LAMA1: variants seen among roughly 807,000 people sequenced by gnomAD.
LAMA1 encodes laminin subunit alpha 1, also known as laminin subunit alpha-1.
In LAMA1, 219 loss-of-function variants were observed where a neutral mutation model predicts 348.7. That is an observed-to-expected ratio of 0.63 (90% CI 0.56 to 0.70). The LOEUF (loss-of-function observed/expected upper bound fraction) is 0.70, where lower values mean the gene tolerates loss of function less well. LAMA1 is among the 30% of genes least tolerant of loss of function. The pLI, the probability that LAMA1 is intolerant of heterozygous loss-of-function variation, is 0.00. For synonymous variants in LAMA1, 1,487 were observed against 1,491.0 expected (o/e 1.00, Z 0.06); for missense variants, 3,744 against 3,888.0 (o/e 0.96, Z 0.99).
At chr18:7,062,598 A>G (rs536709247) in intron 3 of LAMA1, among the ~76,000 whole-genome samples, 1 of 152,282 alleles carries the variant, frequency 6.6e-6, no homozygotes, top group South Asian at 2.1e-4. Context: ...CTTTGTAAAC[A>G]CCAAGAGACC....
At chr18:7,096,375 C>T (rs1488678016) in intron 1 of LAMA1, among the ~76,000 whole-genome samples, 1 of 152,154 alleles carries the variant, frequency 6.6e-6, no homozygotes, top group Non-Finnish European at 1.5e-5. Flanking sequence ...GTCAAGGTCT[C>T]CATATCAATT....
At chr18:6,985,979 C>T (rs1217343330) in intron 37 of LAMA1, among the ~76,000 whole-genome samples, 158 bp downstream of exon 37, 3 of 152,126 alleles carry the variant, frequency 2.0e-5, no homozygotes, top group African/African-American at 4.8e-5. Flanking sequence ...AGGATGGTCT[C>T]GATCTCTTGA....
At chr18:7,096,826 C>G (rs755281853) in intron 1 of LAMA1, among the ~76,000 whole-genome samples, 4 of 152,208 alleles carry the variant, frequency 2.6e-5, no homozygotes, top group Non-Finnish European at 5.9e-5. Flanking sequence ...TGAAAATCAT[C>G]TTAAGACAAA....
chr18:7,030,302 G>A (rs1288378625), intron 16 of LAMA1, among the ~76,000 whole-genome samples: 1 of 152,150 alleles, frequency 6.6e-6, no homozygotes, highest in Non-Finnish European at 1.5e-5. Flanking sequence ...CCTGGCTGGG[G>A]GACATTCCAC....
chr18:7,044,914 C>CCTAT, intron 6 of LAMA1, 75 bp from the exon 7 acceptor site: 1 of 1,103,904 alleles, frequency 9.1e-7, no homozygotes, highest in Non-Finnish European at 1.4e-6. Flanking sequence ...GTAAAAAGAA[C>CCTAT]CTATCTGTCA....
chr18:7,043,509 A>C (rs771042472), intron 7 of LAMA1, 104 bp from the exon 8 acceptor site: 10 of 913,974 alleles, frequency 1.1e-5, no homozygotes, highest in Non-Finnish European at 1.7e-5. Flanking sequence ...GATTAAATTA[A>C]AATCCTAGAA....
At chr18:6,990,541 G>C (rs146880842) in intron 36 of LAMA1, among the ~76,000 whole-genome samples, 14 of 152,306 alleles carry the variant, frequency 9.2e-5, no homozygotes, top group African/African-American at 3.1e-4. Context: ...CCCGAGAAGA[G>C]CACAGCTGAA....
At chr18:6,965,522 A>T in intron 49 of LAMA1, 90 bp from the exon 50 acceptor site, 1 of 1,461,206 alleles carries the variant, frequency 6.8e-7, no homozygotes, top group Non-Finnish European at 9.5e-7. Context: ...AACCTTCTAA[A>T]GTCAAACTGA....
At chr18:7,105,477 T>C (rs571789025) in intron 1 of LAMA1, among the ~76,000 whole-genome samples, 5,855 of 139,926 alleles carry the variant, frequency 0.042, 157 homozygotes, top group Non-Finnish European at 0.055. Context: ...AATAAATAAA[T>C]AAACAAACAA....
chr18:6,959,277 C>G, intron 54 of LAMA1, 64 bp downstream of exon 54: 1 of 1,610,436 alleles, frequency 6.2e-7, no homozygotes, highest in Non-Finnish European at 8.5e-7. Context: ...CCGCAAGGTT[C>G]CTCCCACATT....
chr18:7,032,996 C>G lies in LAMA1; in HGVS notation c.2151G>C (p.Gly717=). The G allele has an allele frequency of 6.2e-7, 1 of 1,607,836 alleles. No individual in the cohort carries two copies. Among genetic ancestry groups the G allele is most frequent in the Non-Finnish European group, 8.5e-7 (1 of 1,176,362 alleles). Reference sequence around the variant, plus strand: ...AGAGAAGCGTCACCTCACAGGAGGTCCCTGTGTAGCCTTGCGGACATTCAC... The same window carrying G: ...AGAGAAGCGTCACCTCACAGGAGGTGCCTGTGTAGCCTTGCGGACATTCAC... ...EHCECPQGYT[G]TSCESCLSGY... Residue 717 remains glycine (G), a synonymous_variant, in exon 15 of 63, where the codon GGG becomes GGC. Transcript: ENST00000389658.
intron 1 of LAMA1, among the ~76,000 whole-genome samples, chr18:7,100,650 C>T (rs1030740914): frequency 4.6e-5 from 7 of 152,124 alleles, no homozygotes; most frequent in Non-Finnish European, 8.8e-5. Flanking sequence ...TAAAGTAGAA[C>T]ATTATTGACA....
Position 6,947,386 on chromosome 18 carries a change from G to C in LAMA1, c.8711-90C>G, listed in dbSNP as rs1403161953. ...CTCCTGGCTAGGGGTTGGGGGACCTGGCTCTAGCTCCTCCTTTGGATCCAG... is the reference window on the plus strand; with the variant it reads ...CTCCTGGCTAGGGGTTGGGGGACCTCGCTCTAGCTCCTCCTTTGGATCCAG... On this transcript the variant is annotated intron_variant, in intron 60 of 62. Transcript: ENST00000389658. 7.3e-6 allele frequency: 11 copies of C among 1,503,340 alleles called. No homozygotes were observed. In the South Asian group the frequency reaches 9.2e-5, roughly 13 times the overall value. 93.1% of individuals were successfully genotyped at this position (1,503,340 alleles called of 1,614,324 possible). A position where few individuals can be genotyped will look rare whatever the true frequency, so the allele number is the denominator to read the frequency against.
chr18:7,076,691 T>C (rs891611087), intron 3 of LAMA1: 2 of 151,282 alleles, frequency 1.3e-5, no homozygotes, highest in Non-Finnish European at 2.9e-5. Context: ...TAAAAGATAC[T>C]AGTTGATAAA....
At chr18:7,060,120 C>G (rs892035245) in intron 3 of LAMA1, among the ~76,000 whole-genome samples, 4 of 152,276 alleles carry the variant, frequency 2.6e-5, no homozygotes, top group African/African-American at 4.8e-5. Context: ...CAAAAACTAG[C>G]AAAAACTGAG....
intron 6 of LAMA1, among the ~76,000 whole-genome samples, 185 bp from the exon 7 acceptor site, chr18:7,045,024 C>A (rs112695983): frequency 7.2e-5 from 11 of 152,052 alleles, no homozygotes; most frequent in African/African-American, 2.7e-4. Flanking sequence ...AACCTGGTTA[C>A]AAACAGAAAT....
intron 3 of LAMA1, among the ~76,000 whole-genome samples, chr18:7,068,682 T>C (rs1343252525): frequency 6.6e-6 from 1 of 152,146 alleles, no homozygotes. Context: ...ACAAGAGATA[T>C]TCTGAGACCT....
chr18:6,983,953 T>C (rs1251496988), intron 39 of LAMA1, among the ~76,000 whole-genome samples: 5 of 152,226 alleles, frequency 3.3e-5, no homozygotes, highest in African/African-American at 7.2e-5. Flanking sequence ...TTTGTTACTA[T>C]TGGACTGGCA....
At chr18:6,948,309 G>C (rs959913413) in intron 60 of LAMA1, 94 bp downstream of exon 60, 5 of 1,516,700 alleles carry the variant, frequency 3.3e-6, no homozygotes, top group Admixed American at 1.7e-5. Flanking sequence ...CTGCAGCCTT[G>C]TCCAGTGGGT....
Sources: gnomAD v4.1 joint callset for allele counts (sites outside exome capture counted in the v4.1 genomes callset) on GRCh38, gnomAD v4.1.1 for gene constraint, MANE v1.5 for transcripts, NCBI Gene and HGNC (gene_info 2026-07-23, HGNC 2026-07-21) for gene names.